The following MAN1A2 variants were observed in gnomAD, a reference collection of about 807,000 sequenced individuals.
The protein encoded by MAN1A2 is mannosyl-oligosaccharide 1,2-alpha-mannosidase IB.
MAN1A2 carries 26 observed loss-of-function variants against 75.7 expected under a neutral mutation model. The observed-to-expected ratio is 0.34, with a 90% CI of 0.25 to 0.48. The LOEUF is 0.48. Ranked by LOEUF, MAN1A2 falls within the 20% of genes least tolerant of loss-of-function variation. MAN1A2 has a pLI of 0.99. For synonymous variants in MAN1A2, 247 were observed against 264.6 expected, an observed-to-expected ratio of 0.93 and a Z score of 0.65; for missense variants, 562 against 775.5, an observed-to-expected ratio of 0.72 and a Z score of 3.27.
intron 1 of MAN1A2, among the ~76,000 whole-genome samples, chr1:117,393,150 A>G (rs1442688195): frequency 6.6e-6 from 1 of 152,224 alleles, no homozygotes; most frequent in Non-Finnish European, 1.5e-5. Flanking sequence ...TTTGTAAGAC[A>G]GTATTATTCT....
intron 6 of MAN1A2, among the ~76,000 whole-genome samples, chr1:117,459,191 A>G (rs1370819500): frequency 6.6e-6 from 1 of 152,168 alleles, no homozygotes; most frequent in East Asian, 1.9e-4. Flanking sequence ...GACAATGGTC[A>G]GGCCCCAGAG....
rs1649248919 is a variant in MAN1A2 at position 117,446,776 on chromosome 1, T to C, written c.950+4451T>C. 2.0e-5 allele frequency among the ~76,000 whole-genome samples: 3 copies of C among 152,040 alleles called. 1 individual carries two copies. The South Asian group carries it at 6.2e-4, about 31-fold the overall frequency. ...GGGTATAACATTCTGTATATATCAG[T>C]TAGGTTAAGGTGGTTAATGGTGTTT... is the stretch of plus-strand genomic sequence containing the variant. On this transcript the variant is annotated intron_variant, in intron 6 of 12. Coordinates refer to ENST00000356554, the MANE Select transcript of MAN1A2 (RefSeq NM_006699.5).
At chr1:117,511,942 T>C (rs1336378084) in intron 12 of MAN1A2, among the ~76,000 whole-genome samples, 1 of 152,122 alleles carries the variant, frequency 6.6e-6, no homozygotes, top group Non-Finnish European at 1.5e-5. Flanking sequence ...ATATACTATG[T>C]ATTTCAGTAT....
At chr1:117,469,121 C>T (rs760079801) in intron 8 of MAN1A2, among the ~76,000 whole-genome samples, 3 of 151,842 alleles carry the variant, frequency 2.0e-5, no homozygotes, top group African/African-American at 7.3e-5. Context: ...TGCAGTGAAC[C>T]GAGATTGTGC....
Position 117,525,161 on chromosome 1 carries a change from G to C in MAN1A2, c.*2204G>C. 1.9e-6 allele frequency: 1 copy of C among 524,660 alleles called. No homozygotes were observed. Among genetic ancestry groups the C allele is most frequent in the Non-Finnish European group, 3.9e-6 (1 of 255,914 alleles). 32.5% of individuals were successfully genotyped at this position (524,660 alleles called of 1,614,324 possible). On this transcript the variant is annotated 3_prime_UTR_variant, in exon 13 of 13. Coordinates refer to ENST00000356554, the MANE Select transcript of MAN1A2 (RefSeq NM_006699.5). ...TATTTGTATTACCCAGATGACTGAA[G>C]CTTAAGAGAAGGCAGGGAAGTATAC...
In MAN1A2 at chr1:117,493,276, G is replaced by A. The variant is rs368447338; in HGVS notation, c.1284+14G>A. 19 of 1,527,420 alleles carry A rather than the reference G, an allele frequency of 1.2e-5. No homozygotes were observed. Among genetic ancestry groups the A allele is most frequent in the Admixed American group, 3.4e-5 (2 of 59,684 alleles). 94.6% of individuals were successfully genotyped at this position (1,527,420 alleles called of 1,614,324 possible). A position where few individuals can be genotyped will look rare whatever the true frequency, so the allele number is the denominator to read the frequency against. ...GATGCTATTGAGGTGATTATTTCCAGAACATTTTTCTACTTAATGGATTGA... is the reference window on the plus strand; with the variant it reads ...GATGCTATTGAGGTGATTATTTCCAAAACATTTTTCTACTTAATGGATTGA... On this transcript the variant is annotated intron_variant, in intron 9 of 12. Transcript: ENST00000356554.
intron 5 of MAN1A2, 25 bp downstream of exon 5, chr1:117,420,674 G>A: frequency 6.5e-7 from 1 of 1,528,092 alleles, no homozygotes; most frequent in Non-Finnish European, 9.1e-7. Context: ...GCAATGCATT[G>A]TTTGTTTTGG....
intron 5 of MAN1A2, among the ~76,000 whole-genome samples, chr1:117,436,671 A>G (rs1331505877): frequency 6.6e-6 from 1 of 152,198 alleles, no homozygotes; most frequent in Non-Finnish European, 1.5e-5. Context: ...CTTACTATAG[A>G]AGAGATACCA....
At position 117,368,461 on chromosome 1, in the gene MAN1A2, A is replaced by G. The variant is rs753148027; in HGVS notation, c.278A>G (p.His93Arg). ...AAAAACCCCGGAGTCTTCCTGATCC[A>G]TGGACCCGATGAACATAGACACAGG... is the stretch of plus-strand genomic sequence containing the variant. ...GAKNPGVFLIHGPDEHRHREE... is the reference protein window; with the variant it reads ...GAKNPGVFLIRGPDEHRHREE... The change falls in exon 1 of 13, where the codon CAT becomes CGT. Residue 93 changes from histidine to arginine, a missense_variant. By Grantham distance (29) the His-to-Arg change is conservative (BLOSUM62 0). This residue lies in a region of MAN1A2 where 128 missense variants were observed against 129.8 expected (regional missense o/e 0.99). Coordinates refer to ENST00000356554, the MANE Select transcript of MAN1A2 (RefSeq NM_006699.5). The G allele has an allele frequency of 3.3e-5, 53 of 1,611,746 alleles. No homozygotes were observed. Among genetic ancestry groups the G allele is most frequent in the Non-Finnish European group, 4.4e-5 (52 of 1,179,294 alleles).
chr1:117,436,401 G>A (rs1395011481), intron 5 of MAN1A2, among the ~76,000 whole-genome samples: 2 of 152,128 alleles, frequency 1.3e-5, no homozygotes, highest in Non-Finnish European at 2.9e-5. Context: ...AATGACTGAT[G>A]TCTTTGAGGG....
intron 11 of MAN1A2, among the ~76,000 whole-genome samples, chr1:117,501,972 A>G (rs752391801): frequency 9.9e-5 from 15 of 151,878 alleles, no homozygotes; most frequent in Non-Finnish European, 1.9e-4. Context: ...CTGTACCTGC[A>G]TAAGCAGACT....
intron 12 of MAN1A2, among the ~76,000 whole-genome samples, chr1:117,503,919 T>A (rs1263870131): frequency 6.6e-6 from 1 of 151,528 alleles, no homozygotes; most frequent in Non-Finnish European, 1.5e-5. Context: ...TCCTATCTTT[T>A]TAGCTTATAC....
chr1:117,408,550 G>A (rs1647693742), intron 3 of MAN1A2, among the ~76,000 whole-genome samples: 1 of 151,954 alleles, frequency 6.6e-6, no homozygotes, highest in Non-Finnish European at 1.5e-5. Context: ...ATTTGTACAT[G>A]TTTTGTTGAA....
intron 8 of MAN1A2, among the ~76,000 whole-genome samples, chr1:117,482,073 G>T (rs1650514526): frequency 6.6e-6 from 1 of 151,184 alleles, no homozygotes; most frequent in Non-Finnish European, 1.5e-5. Flanking sequence ...GCTTAGAATG[G>T]TATATATATA....
Position 117,405,609 on chromosome 1 carries a change from C to A in MAN1A2, c.619C>A (p.Pro207Thr). 1 of 1,608,476 alleles carries A rather than the reference C, an allele frequency of 6.2e-7. No homozygotes were observed. The highest frequency in any genetic ancestry group is 8.5e-7 in the Non-Finnish European group (1 of 1,175,112). ...TYGWGHNELRPIARKGHSPNI... is the reference protein window; with the variant it reads ...TYGWGHNELRTIARKGHSPNI... Reference sequence around the variant, plus strand: ...TGGGTGGGGACATAATGAACTCAGACCTATTGCAAGGAAAGGACACTCCCC... The same window carrying A: ...TGGGTGGGGACATAATGAACTCAGAACTATTGCAAGGAAAGGACACTCCCC... Residue 207 changes from proline to threonine, a missense_variant, in exon 3 of 13, where the codon CCT becomes ACT. Pro to Thr is a conservative substitution (Grantham distance 38). Transcript: ENST00000356554.
At chr1:117,515,787 A>G (rs1327053946) in intron 12 of MAN1A2, 2 of 152,148 alleles carry the variant, frequency 1.3e-5, no homozygotes, top group African/African-American at 4.8e-5. Flanking sequence ...TATGGAAACA[A>G]AGTAGAATGT....
intron 8 of MAN1A2, among the ~76,000 whole-genome samples, chr1:117,489,288 G>A (rs1172212068): frequency 1.3e-5 from 2 of 151,926 alleles, no homozygotes; most frequent in East Asian, 3.9e-4. Flanking sequence ...GTTAAATTTT[G>A]TTAGCTTCTG....
In MAN1A2 at chr1:117,487,007, A is replaced by G. The variant is rs1650727772; in HGVS notation, c.1169-6140A>G. On this transcript the variant is annotated intron_variant, in intron 8 of 12. Transcript: ENST00000356554. ...GTAAGATTGGGAACATATTAAGCCT[A>G]TTAAAAATAACATCAGATTTCTTAT... Among the ~76,000 whole-genome samples the G allele has an allele frequency of 3.3e-5, 5 of 152,090 alleles. No individual in the cohort carries two copies. In the South Asian group the frequency reaches 1.0e-3, roughly 32 times the overall value.
chr1:117,394,082 T>C (rs1171240413), intron 1 of MAN1A2, among the ~76,000 whole-genome samples: 1 of 129,440 alleles, frequency 7.7e-6, no homozygotes, highest in East Asian at 1.9e-4. Flanking sequence ...AGACAGTGGG[T>C]TTCCTTTTTT....
Sources: allele counts gnomAD v4.1 joint callset (sites outside exome capture counted in the v4.1 genomes callset), GRCh38; gene constraint gnomAD v4.1.1; regional missense constraint gnomAD v4.1.1; transcripts MANE v1.5; gene names NCBI Gene and HGNC (gene_info 2026-07-23, HGNC 2026-07-21).